The following EXOC4 variants were observed in gnomAD, a reference collection of about 807,000 sequenced individuals.
EXOC4 encodes the protein exocyst complex component 4.
EXOC4 carries 71 observed loss-of-function variants against 107.2 expected under a neutral mutation model. The observed-to-expected ratio is 0.66, with a 90% CI of 0.55 to 0.81. The LOEUF (loss-of-function observed/expected upper bound fraction) is 0.81. Among genes scored for constraint, EXOC4 ranks in the 30% least tolerant of loss-of-function variants. EXOC4 has a pLI of 0.00. For missense variants in EXOC4, 1,108 were observed against 1,189.6 expected, an observed-to-expected ratio of 0.93 and a Z score of 1.01; for synonymous variants, 456 against 441.2, an observed-to-expected ratio of 1.03 and a Z score of -0.42.
chr7:133,272,280 C>T (rs527908010), intron 1 of EXOC4, among the ~76,000 whole-genome samples: 10 of 152,134 alleles, frequency 6.6e-5, no homozygotes, highest in Non-Finnish European at 1.2e-4. Context: ...CTGAAGAGAC[C>T]CCACTCTGTA....
chr7:134,092,179 G>T, the EXOC4 span, among the ~76,000 whole-genome samples: 52 of 152,118 alleles, frequency 3.4e-4, 1 homozygote, highest in Non-Finnish European at 7.4e-5. Context: ...AAAGTGTTCT[G>T]GAATTAGTGG....
In EXOC4 at chr7:133,383,855, G is replaced by A. The variant is rs532062798; in HGVS notation, c.1182+8853G>A. On this transcript the variant is annotated intron_variant, in intron 7 of 17. Coordinates refer to ENST00000253861, the MANE Select transcript of EXOC4 (RefSeq NM_021807.4). ...GATAACCTCTATTTTGCGTGGCATC[G>A]TGAAGTCATGTTGTTGGCCAGGCCA... Among the ~76,000 whole-genome samples the A allele has an allele frequency of 3.4e-4, 52 of 152,232 alleles. 1 individual carries two copies. In the South Asian group the frequency reaches 9.3e-3, roughly 27 times the overall value.
At chr7:133,764,819 A>G (rs1796102681) in intron 10 of EXOC4, among the ~76,000 whole-genome samples, 1 of 152,078 alleles carries the variant, frequency 6.6e-6, no homozygotes, top group Non-Finnish European at 1.5e-5. Context: ...TGTTATACAT[A>G]TGTACAGATC....
At chr7:134,035,081 T>C (rs1324745331) in intron 17 of EXOC4, among the ~76,000 whole-genome samples, 2 of 149,288 alleles carry the variant, frequency 1.3e-5, no homozygotes, top group African/African-American at 2.5e-5. Flanking sequence ...AGTCTCACTC[T>C]GTTGGCCAGG....
At chr7:133,780,935 C>G (rs1796453065) in intron 10 of EXOC4, among the ~76,000 whole-genome samples, 1 of 152,134 alleles carries the variant, frequency 6.6e-6, no homozygotes, top group South Asian at 2.1e-4. Context: ...TCTAAGGATC[C>G]CTTTTGTGAT....
intron 11 of EXOC4, among the ~76,000 whole-genome samples, chr7:133,883,943 A>G (rs145457914): frequency 6.6e-6 from 1 of 152,364 alleles, no homozygotes; most frequent in East Asian, 1.9e-4. Flanking sequence ...TTTGGCTTCT[A>G]TCATTACTGT....
At chr7:133,720,120 C>G (rs1382416002) in intron 10 of EXOC4, among the ~76,000 whole-genome samples, 1 of 152,126 alleles carries the variant, frequency 6.6e-6, no homozygotes, top group Non-Finnish European at 1.5e-5. Flanking sequence ...AATAGTCTTT[C>G]ATTAAGTGGG....
At chr7:133,561,505 T>C (rs776629908) in intron 9 of EXOC4, among the ~76,000 whole-genome samples, 9 of 152,118 alleles carry the variant, frequency 5.9e-5, no homozygotes, top group Non-Finnish European at 8.8e-5. Flanking sequence ...TTATAGTGTG[T>C]TTTCCTTCAT....
chr7:133,275,989 A>T (rs1221025296), intron 2 of EXOC4, among the ~76,000 whole-genome samples: 1 of 152,042 alleles, frequency 6.6e-6, no homozygotes, highest in Non-Finnish European at 1.5e-5. Flanking sequence ...AAATTCTTGA[A>T]TATCATGCTT....
chr7:133,948,281 T>C (rs1800601910), intron 14 of EXOC4, among the ~76,000 whole-genome samples: 1 of 152,186 alleles, frequency 6.6e-6, no homozygotes, highest in African/African-American at 2.4e-5. Flanking sequence ...TGTGAAATCA[T>C]GACTTAATGA....
rs572401443 is a variant in EXOC4 at position 134,001,200 on chromosome 7, A to G, written c.2348+3567A>G. On this transcript the variant is annotated intron_variant, in intron 15 of 17. Coordinates refer to ENST00000253861, the MANE Select transcript of EXOC4 (RefSeq NM_021807.4). The stretch of plus-strand genomic sequence containing the variant: ...TTTAGAAGAAGAAAATTAAGTTGCC[A>G]TTTGAGTCCAAGATGCCAAGAATGT... Among the ~76,000 whole-genome samples the G allele has an allele frequency of 8.5e-5, 13 of 152,264 alleles. No homozygotes were observed. The South Asian group carries it at 2.3e-3, about 27-fold the overall frequency.
chr7:133,378,833 A>C (rs921025518), intron 7 of EXOC4, among the ~76,000 whole-genome samples: 65 of 152,220 alleles, frequency 4.3e-4, no homozygotes, highest in African/African-American at 1.5e-3. Context: ...GATAGGATGA[A>C]TAGAACCCAA....
At chr7:133,306,933 G>A (rs941600305) in intron 4 of EXOC4, among the ~76,000 whole-genome samples, 1 of 152,122 alleles carries the variant, frequency 6.6e-6, no homozygotes, top group Non-Finnish European at 1.5e-5. Flanking sequence ...AATAAGACTA[G>A]ATCTTAAGAT....
At chr7:133,985,340 G>T (rs1021865376) in intron 14 of EXOC4, among the ~76,000 whole-genome samples, 2 of 152,134 alleles carry the variant, frequency 1.3e-5, no homozygotes, top group Non-Finnish European at 2.9e-5. Flanking sequence ...ATCCCCAACT[G>T]AATCAAACTC....
chr7:133,486,893 C>T (rs1332079368), intron 9 of EXOC4, among the ~76,000 whole-genome samples: 2 of 152,110 alleles, frequency 1.3e-5, no homozygotes, highest in Admixed American at 6.6e-5. Flanking sequence ...AATAAATATA[C>T]TTTCCTCAAG....
At chr7:133,725,751 G>T (rs1203772806) in intron 10 of EXOC4, among the ~76,000 whole-genome samples, 1 of 152,156 alleles carries the variant, frequency 6.6e-6, no homozygotes, top group African/African-American at 2.4e-5. Flanking sequence ...AACTAGCATG[G>T]TTGTGTTTCA....
chr7:133,760,138 G>A (rs891944838), intron 10 of EXOC4, among the ~76,000 whole-genome samples: 1 of 152,220 alleles, frequency 6.6e-6, no homozygotes, highest in African/African-American at 2.4e-5. Context: ...GACAGCCATT[G>A]TAAACACTGC....
intron 10 of EXOC4, among the ~76,000 whole-genome samples, chr7:133,742,677 G>A (rs1265656836): frequency 2.0e-5 from 3 of 152,076 alleles, no homozygotes; most frequent in African/African-American, 4.8e-5. Flanking sequence ...TAATATTCAC[G>A]ATAGCTCATG....
intron 17 of EXOC4, among the ~76,000 whole-genome samples, chr7:134,040,062 T>G (rs1006212649): frequency 6.6e-5 from 10 of 152,214 alleles, no homozygotes; most frequent in African/African-American, 2.2e-4. Context: ...CATATCCTGT[T>G]AAACACATAG....
Sources: allele counts gnomAD v4.1 joint callset (sites outside exome capture counted in the v4.1 genomes callset), GRCh38; gene constraint gnomAD v4.1.1; transcripts MANE v1.5; gene names NCBI Gene and HGNC (gene_info 2026-07-23, HGNC 2026-07-21).